Variants in CTNNA2 observed in about 807,000 individuals in gnomAD.
The protein encoded by CTNNA2 is catenin alpha 2.
Under a neutral mutation model 101.0 loss-of-function variants are expected in CTNNA2, and 42 were observed. That is an observed-to-expected ratio of 0.42 (90% CI 0.32 to 0.54). The LOEUF (loss-of-function observed/expected upper bound fraction) is 0.54, where lower values mean the gene tolerates loss of function less well. Among genes scored for constraint, CTNNA2 ranks in the 20% least tolerant of loss-of-function variants. The pLI, the probability that CTNNA2 is intolerant of heterozygous loss-of-function variation, is 0.14. For synonymous variants in CTNNA2, 450 were observed against 456.4 expected, an observed-to-expected ratio of 0.99 and a Z score of 0.18; for missense variants, 871 against 1,223.1, an observed-to-expected ratio of 0.71 and a Z score of 4.29.
At chr2:80,060,130 A>C (rs1222046428) in intron 7 of CTNNA2, among the ~76,000 whole-genome samples, 2 of 152,170 alleles carry the variant, frequency 1.3e-5, no homozygotes, top group African/African-American at 4.8e-5. Context: ...AGCACAGTAT[A>C]TATTTGCTTC....
At chr2:80,635,235 A>C (rs1257454416) in intron 18 of CTNNA2, among the ~76,000 whole-genome samples, 1 of 152,156 alleles carries the variant, frequency 6.6e-6, no homozygotes, top group Non-Finnish European at 1.5e-5. Flanking sequence ...CAATGGAAAA[A>C]GCAGTGACCA....
chr2:79,432,354 A>T (rs1678667721), intron 4 of CTNNA2, among the ~76,000 whole-genome samples: 1 of 152,182 alleles, frequency 6.6e-6, no homozygotes, highest in Non-Finnish European at 1.5e-5. Context: ...CAGGATTCCA[A>T]CTCAAGTTGA....
At chr2:80,552,793 A>G (rs1301846539) in intron 11 of CTNNA2, among the ~76,000 whole-genome samples, 1 of 152,220 alleles carries the variant, frequency 6.6e-6, no homozygotes, top group Non-Finnish European at 1.5e-5. Flanking sequence ...ACATGTATAA[A>G]TATTTTAAAA....
At chr2:79,231,155 A>G (rs1333679465) in intron 2 of CTNNA2, among the ~76,000 whole-genome samples, 1 of 152,046 alleles carries the variant, frequency 6.6e-6, no homozygotes, top group Non-Finnish European at 1.5e-5. Context: ...GAGATTTGGG[A>G]GGGGCCAGGG....
chr2:80,514,606 G>T (rs528138892), intron 9 of CTNNA2, among the ~76,000 whole-genome samples: 49 of 152,274 alleles, frequency 3.2e-4, no homozygotes, highest in African/African-American at 1.2e-3. Context: ...TCTCAGAAGA[G>T]AGGGGAGTGG....
rs185772167 is a variant in CTNNA2 at position 80,362,426 on chromosome 2, C to G, written c.1057-30785C>G. On this transcript the variant is annotated intron_variant, in intron 7 of 18. Transcript: ENST00000402739. ...CTTTTTTGATTTGTGCTTACCCTTA[C>G]ACATCTTAGGAAGCCACTCAATCTT... Among the ~76,000 whole-genome samples the G allele has an allele frequency of 1.1e-3, 162 of 152,242 alleles. 1 individual carries two copies. The highest frequency in any genetic ancestry group is 3.8e-3 in the African/African-American group (157 of 41,552).
intron 7 of CTNNA2, among the ~76,000 whole-genome samples, chr2:80,073,927 C>T (rs746247988): frequency 6.6e-6 from 1 of 152,096 alleles, no homozygotes; most frequent in Non-Finnish European, 1.5e-5. Context: ...AACTAATCCT[C>T]TATTTCTGAT....
At chr2:79,853,959 C>T (rs1346353636) in intron 3 of CTNNA2, among the ~76,000 whole-genome samples, 4 of 152,026 alleles carry the variant, frequency 2.6e-5, no homozygotes, top group Admixed American at 6.6e-5. Context: ...TGAGCCACCG[C>T]GCCCAGCCCA....
At chr2:79,528,433 G>A (rs1672549724) in intron 1 of CTNNA2, among the ~76,000 whole-genome samples, 1 of 151,942 alleles carries the variant, frequency 6.6e-6, no homozygotes, top group African/African-American at 2.4e-5. Context: ...TGCCCAGACT[G>A]AGAGTTTTCG....
At chr2:80,442,695 T>C (rs2149444131) in intron 9 of CTNNA2, among the ~76,000 whole-genome samples, 1 of 152,158 alleles carries the variant, frequency 6.6e-6, no homozygotes, top group South Asian at 2.1e-4. Context: ...ACTAATACCT[T>C]CCCCTCTTCT....
chr2:80,234,710 G>C (rs991739117), intron 7 of CTNNA2, among the ~76,000 whole-genome samples: 7 of 152,054 alleles, frequency 4.6e-5, no homozygotes. Context: ...GTAGATCAGA[G>C]GGGAAATAAA....
At chr2:79,496,837 A>G (rs576618499) in intron 4 of CTNNA2, among the ~76,000 whole-genome samples, 7 of 152,136 alleles carry the variant, frequency 4.6e-5, no homozygotes, top group Admixed American at 1.3e-4. Flanking sequence ...ACTTAACTTT[A>G]CTGGAGTTTA....
intron 1 of CTNNA2, among the ~76,000 whole-genome samples, chr2:79,630,619 TG>T (rs1358231311): frequency 3.3e-5 from 5 of 152,242 alleles, no homozygotes; most frequent in Admixed American, 6.5e-5. Context: ...AAGAAGAATT[TG>T]GGATAACTTT....
At chr2:79,790,437 G>T (rs938073298) in intron 3 of CTNNA2, among the ~76,000 whole-genome samples, 3 of 152,162 alleles carry the variant, frequency 2.0e-5, no homozygotes, top group Admixed American at 2.0e-4. Flanking sequence ...GAATATGGTG[G>T]TGAGGGTAAA....
At chr2:79,487,457 C>G (rs141250503) in intron 4 of CTNNA2, among the ~76,000 whole-genome samples, 1 of 152,188 alleles carries the variant, frequency 6.6e-6, no homozygotes, top group Non-Finnish European at 1.5e-5. Context: ...GACTCTTGAG[C>G]CTTGCTCATA....
intron 3 of CTNNA2, among the ~76,000 whole-genome samples, chr2:79,791,553 C>G (rs1179135211): frequency 6.6e-6 from 1 of 152,062 alleles, no homozygotes; most frequent in Admixed American, 6.6e-5. Flanking sequence ...TCAGGGGTAG[C>G]CTTTGTTAGG....
chr2:80,085,950 G>T (rs140313562), intron 7 of CTNNA2, among the ~76,000 whole-genome samples: 1 of 151,858 alleles, frequency 6.6e-6, no homozygotes, highest in Non-Finnish European at 1.5e-5. Flanking sequence ...GTATGCCTAC[G>T]GTTAAACTTA....
At chr2:79,550,572 T>C (rs1674035214) in intron 1 of CTNNA2, among the ~76,000 whole-genome samples, 1 of 152,218 alleles carries the variant, frequency 6.6e-6, no homozygotes, top group African/African-American at 2.4e-5. Flanking sequence ...GAAGGCCAAA[T>C]ATTAAAATGC....
chr2:79,540,970 A>C (rs544507667), intron 1 of CTNNA2, among the ~76,000 whole-genome samples: 2 of 152,062 alleles, frequency 1.3e-5, no homozygotes, highest in Admixed American at 6.6e-5. Context: ...TTAAATGTCA[A>C]ATTTTAATGT....
Sources: gnomAD v4.1 joint callset for allele counts (sites outside exome capture counted in the v4.1 genomes callset) on GRCh38, gnomAD v4.1.1 for gene constraint, MANE v1.5 for transcripts, NCBI Gene and HGNC (gene_info 2026-07-23, HGNC 2026-07-21) for gene names.